RFX3: variants seen among roughly 807,000 people sequenced by gnomAD.
The protein encoded by RFX3 is regulatory factor X3, also known as transcription factor RFX3.
A neutral mutation model predicts 98.6 loss-of-function variants in RFX3; 14 were observed. The observed-to-expected ratio is 0.14, with a 90% confidence interval of 0.09 to 0.22. The LOEUF (loss-of-function observed/expected upper bound fraction) is 0.22. RFX3 is among the 10% of genes least tolerant of loss of function. The pLI is 1.00. For synonymous variants in RFX3, 383 were observed against 328.4 expected (o/e 1.17, Z -1.80); for missense variants, 639 against 926.9 (o/e 0.69, Z 4.03).
intron 4 of RFX3, among the ~76,000 whole-genome samples, chr9:3,325,712 A>G (rs1330535278): frequency 6.6e-6 from 1 of 152,106 alleles, no homozygotes; most frequent in East Asian, 1.9e-4. Context: ...CTCTGGTATA[A>G]GATAAATTAT....
At position 3,259,979 on chromosome 9, in the gene RFX3, A is replaced by C. The variant is rs538390157; in HGVS notation, c.1606-2780T>G. On this transcript the variant is annotated intron_variant, in intron 13 of 16. Coordinates refer to ENST00000617270, the MANE Select transcript of RFX3 (RefSeq NM_001282116.2). ...TTATAGAAGCTGGGACGACTTCCAAATGAACTGGAGATGGGGATAAAGGTA... is the reference window on the plus strand; with the variant it reads ...TTATAGAAGCTGGGACGACTTCCAACTGAACTGGAGATGGGGATAAAGGTA... 8.5e-5 allele frequency among the ~76,000 whole-genome samples: 13 copies of C among 152,198 alleles called. No individual in the cohort carries two copies. The East Asian group carries it at 2.5e-3, about 29-fold the overall frequency.
chr9:3,299,574 A>C (rs752935436), intron 5 of RFX3, among the ~76,000 whole-genome samples: 4 of 151,686 alleles, frequency 2.6e-5, no homozygotes, highest in Non-Finnish European at 5.9e-5. Context: ...ATTTGCGCCC[A>C]CTCTTTCCAC....
At chr9:3,452,636 C>T (rs76590351) in intron 1 of RFX3, among the ~76,000 whole-genome samples, 1 of 152,130 alleles carries the variant, frequency 6.6e-6, no homozygotes, top group Non-Finnish European at 1.5e-5. Flanking sequence ...AATTTAGATA[C>T]AATGGTTGCT....
At chr9:3,265,246 G>A (rs1766860707) in intron 12 of RFX3, among the ~76,000 whole-genome samples, 1 of 152,154 alleles carries the variant, frequency 6.6e-6, no homozygotes, top group Non-Finnish European at 1.5e-5. Flanking sequence ...AATTTAAATA[G>A]CCACACGTGG....
chr9:3,231,707 G>T (rs1253861599), intron 15 of RFX3, among the ~76,000 whole-genome samples: 1 of 151,958 alleles, frequency 6.6e-6, no homozygotes, highest in Non-Finnish European at 1.5e-5. Context: ...ATTGAGAGCA[G>T]GCAGAAGAAA....
rs186768526 is a variant in RFX3 at position 3,398,053 on chromosome 9, C to T, written c.-8-2457G>A. Reference sequence around the variant, plus strand: ...ATGTGGGAAACTTCCTTCCATTTTCCGAAAGAAACTGAAAGTCCAGATTTT... The same window carrying T: ...ATGTGGGAAACTTCCTTCCATTTTCTGAAAGAAACTGAAAGTCCAGATTTT... On this transcript the variant is annotated intron_variant, in intron 1 of 16. Transcript: ENST00000617270. Among the ~76,000 whole-genome samples the T allele has an allele frequency of 3.6e-3, 549 of 152,128 alleles. 3 individuals are homozygous for T. The highest frequency in any genetic ancestry group is 6.4e-3 in the Non-Finnish European group (436 of 68,004).
chr9:3,313,875 A>T (rs949359853), intron 4 of RFX3, among the ~76,000 whole-genome samples: 2 of 152,244 alleles, frequency 1.3e-5, no homozygotes, highest in African/African-American at 2.4e-5. Context: ...GGACTATGTG[A>T]AAAGAGCAAA....
chr9:3,415,789 CAAT>C (rs1842930687), intron 1 of RFX3, among the ~76,000 whole-genome samples: 1 of 152,170 alleles, frequency 6.6e-6, no homozygotes, highest in African/African-American at 2.4e-5. Context: ...CTTTGCAACA[CAAT>C]GAGACCCAAG....
chr9:3,485,408 T>C lies in RFX3; in HGVS notation c.-9+40339A>G, dbSNP rs561509603. Among the ~76,000 whole-genome samples the C allele has an allele frequency of 3.3e-5, 5 of 152,356 alleles. No homozygotes were observed. In the South Asian group the frequency reaches 1.0e-3, roughly 32 times the overall value. On this transcript the variant is annotated intron_variant, in intron 1 of 16. Coordinates refer to ENST00000617270, the MANE Select transcript of RFX3 (RefSeq NM_001282116.2). ...TAACAATTAATGTCCTCATGTTACATAAGAATATTGAATTAGTAAGTGAGT... is the reference window on the plus strand; with the variant it reads ...TAACAATTAATGTCCTCATGTTACACAAGAATATTGAATTAGTAAGTGAGT...
intron 9 of RFX3, among the ~76,000 whole-genome samples, chr9:3,273,227 A>G (rs1414752586): frequency 6.6e-6 from 1 of 152,188 alleles, no homozygotes; most frequent in Non-Finnish European, 1.5e-5. Flanking sequence ...ATATTTATTC[A>G]AAATGAATAT....
At position 3,267,968 on chromosome 9, in the gene RFX3, G is replaced by A. The variant is rs148417719; in HGVS notation, c.1358-1663C>T. Among the ~76,000 whole-genome samples, 209 of 151,620 alleles carry A rather than the reference G, an allele frequency of 1.4e-3. 1 individual carries two copies. Among genetic ancestry groups the A allele is most frequent in the African/African-American group, 4.4e-3 (184 of 41,418 alleles). Reference sequence around the variant, plus strand: ...ATATTACTTTAAAAATATTTATTACGGGCCTTGTTTTATCTAGATAAATTT... The same window carrying A: ...ATATTACTTTAAAAATATTTATTACAGGCCTTGTTTTATCTAGATAAATTT... On this transcript the variant is annotated intron_variant, in intron 11 of 16. Transcript: ENST00000617270.
At chr9:3,432,681 G>C (rs1197035303) in intron 1 of RFX3, among the ~76,000 whole-genome samples, 1 of 152,162 alleles carries the variant, frequency 6.6e-6, no homozygotes, top group African/African-American at 2.4e-5. Context: ...AATATGACTT[G>C]AATTCCTTGA....
chr9:3,341,789 T>C (rs973724025), intron 3 of RFX3, among the ~76,000 whole-genome samples: 1 of 152,210 alleles, frequency 6.6e-6, no homozygotes, highest in Non-Finnish European at 1.5e-5. Context: ...GAAATCTAAA[T>C]GGCAAGTGGA....
intron 14 of RFX3, among the ~76,000 whole-genome samples, chr9:3,249,659 A>G (rs1563799982): frequency 1.3e-5 from 2 of 152,146 alleles, no homozygotes; most frequent in Non-Finnish European, 2.9e-5. Flanking sequence ...GGATCTATTT[A>G]CTAAAATAAT....
chr9:3,356,778 C>A (rs1407744443), intron 2 of RFX3, among the ~76,000 whole-genome samples: 1 of 151,716 alleles, frequency 6.6e-6, no homozygotes, highest in Non-Finnish European at 1.5e-5. Context: ...GACAATAAAT[C>A]ATAATCAGGT....
intron 2 of RFX3, among the ~76,000 whole-genome samples, chr9:3,383,577 T>G (rs907368185): frequency 1.3e-5 from 2 of 152,052 alleles, no homozygotes; most frequent in African/African-American, 2.4e-5. Flanking sequence ...CAAGGTATAT[T>G]AGTTAAAATA....
intron 2 of RFX3, among the ~76,000 whole-genome samples, chr9:3,385,985 A>G (rs1023404374): frequency 6.6e-6 from 1 of 152,174 alleles, no homozygotes; most frequent in Non-Finnish European, 1.5e-5. Flanking sequence ...CAAACGACTG[A>G]TGACTACACT....
intron 1 of RFX3, among the ~76,000 whole-genome samples, chr9:3,397,064 G>C (rs775130577): frequency 1.2e-4 from 19 of 152,162 alleles, no homozygotes; most frequent in Non-Finnish European, 2.2e-4. Flanking sequence ...AGATGAGGGA[G>C]ACTACTATCA....
chr9:3,370,434 A>G (rs1054305959), intron 2 of RFX3, among the ~76,000 whole-genome samples: 3 of 151,742 alleles, frequency 2.0e-5, no homozygotes, highest in African/African-American at 7.3e-5. Flanking sequence ...TTACAACTCT[A>G]TCCTTTCAAA....
Sources: gnomAD v4.1 joint callset for allele counts (sites outside exome capture counted in the v4.1 genomes callset) on GRCh38, gnomAD v4.1.1 for gene constraint, MANE v1.5 for transcripts, NCBI Gene and HGNC (gene_info 2026-07-23, HGNC 2026-07-21) for gene names.